The following SLC6A3 variants were observed in gnomAD, a reference collection of about 807,000 sequenced individuals.
The protein encoded by SLC6A3 is solute carrier family 6 member 3.
Under a neutral mutation model 70.4 loss-of-function variants are expected in SLC6A3, and 19 were observed. The ratio of observed to expected loss-of-function variants is 0.27; its 90% CI spans 0.19 to 0.40. The LOEUF (loss-of-function observed/expected upper bound fraction) is 0.40. Among genes scored for constraint, SLC6A3 ranks in the 10% least tolerant of loss-of-function variants. SLC6A3 has a pLI of 1.00. For missense variants in SLC6A3, 613 were observed against 838.5 expected (o/e 0.73, Z 3.32); for synonymous variants, 368 against 356.6 (o/e 1.03, Z -0.36).
chr5:1,405,159 G>A lies in SLC6A3; in HGVS notation c.1599+1029C>T, dbSNP rs1024934944. On this transcript the variant is annotated intron_variant, in intron 12 of 14. Coordinates refer to ENST00000270349, the MANE Select transcript of SLC6A3 (RefSeq NM_001044.5). This position sits in a 1 kb window ranked among gnomAD's most constrained non-coding sequence, Gnocchi z 5.3. Reference sequence around the variant, plus strand: ...AGTTAACTGGACTTGGAACACTTACGTGCAGCCACACCACGCGGCCTGGAG... The same window carrying A: ...AGTTAACTGGACTTGGAACACTTACATGCAGCCACACCACGCGGCCTGGAG... 3.3e-5 allele frequency among the ~76,000 whole-genome samples: 5 copies of A among 152,194 alleles called. No individual in the cohort carries two copies. Among genetic ancestry groups the A allele is most frequent in the African/African-American group, 7.2e-5 (3 of 41,440 alleles).
In SLC6A3 at chr5:1,406,542, C is replaced by A. The variant is rs543411900; in HGVS notation, c.1499-254G>T. On this transcript the variant is annotated intron_variant, in intron 11 of 14. Coordinates refer to ENST00000270349, the MANE Select transcript of SLC6A3 (RefSeq NM_001044.5). The surrounding 1 kb of genome is among the most constrained non-coding windows in gnomAD (Gnocchi z 8.8). ...GCCGTGCCCCGGTGGGTGCTCCCCGCGCCCCGGCAACAGCCCCTCGGGTCC... is the reference window on the plus strand; with the variant it reads ...GCCGTGCCCCGGTGGGTGCTCCCCGAGCCCCGGCAACAGCCCCTCGGGTCC... Among the ~76,000 whole-genome samples the A allele has an allele frequency of 6.6e-6, 1 of 152,180 alleles. No individual in the cohort carries two copies. Among genetic ancestry groups the A allele is most frequent in the Non-Finnish European group, 1.5e-5 (1 of 68,030 alleles).
intron 3 of SLC6A3, among the ~76,000 whole-genome samples, chr5:1,441,082 T>C (rs1013668864): frequency 5.3e-5 from 8 of 152,228 alleles, no homozygotes; most frequent in Non-Finnish European, 1.2e-4. Flanking sequence ...GATCCATAGA[T>C]AGACATGTGT....
At chr5:1,424,951 C>T (rs1238930724) in intron 4 of SLC6A3, among the ~76,000 whole-genome samples, 3 of 152,218 alleles carry the variant, frequency 2.0e-5, no homozygotes, top group Admixed American at 6.5e-5. Flanking sequence ...GAAAGCTGTG[C>T]GTCTCCCAGC....
Position 1,421,497 on chromosome 5 carries a change from G to A in SLC6A3, c.792+379C>T, listed in dbSNP as rs1456049709. Among the ~76,000 whole-genome samples the A allele has an allele frequency of 6.6e-6, 1 of 152,114 alleles. No homozygotes were observed. Among genetic ancestry groups the A allele is most frequent in the African/African-American group, 2.4e-5 (1 of 41,402 alleles). On this transcript the variant is annotated intron_variant, in intron 5 of 14. Transcript: ENST00000270349. This position sits in a 1 kb window ranked among gnomAD's most constrained non-coding sequence, Gnocchi z 7.2. Reference sequence around the variant, plus strand: ...GTGCCTTCCTGCCAGAAACACTGCTGTGAGTGCTTCCCTCCTGAGGCCCTT... The same window carrying A: ...GTGCCTTCCTGCCAGAAACACTGCTATGAGTGCTTCCCTCCTGAGGCCCTT...
At chr5:1,412,490 C>T (rs62331084) in intron 8 of SLC6A3, among the ~76,000 whole-genome samples, 28,696 of 152,216 alleles carry the variant, frequency 0.19, 3,560 homozygotes, top group Non-Finnish European at 0.28. Flanking sequence ...ACAGCTCTCT[C>T]GGGAAACGAC....
At chr5:1,428,333 G>A (rs1317856878) in intron 4 of SLC6A3, among the ~76,000 whole-genome samples, 1 of 152,222 alleles carries the variant, frequency 6.6e-6, no homozygotes, top group Non-Finnish European at 1.5e-5. Flanking sequence ...TTTGTGGGAT[G>A]CAGCTAATGC....
chr5:1,442,780 T>G lies in SLC6A3; in HGVS notation c.286+132A>C, dbSNP rs1733711796. ...CCTCTGGGAGGATCTGCACCGGCCGTGAGCTCTCACAGGGAGCTCCGTCTT... is the reference window on the plus strand; with the variant it reads ...CCTCTGGGAGGATCTGCACCGGCCGGGAGCTCTCACAGGGAGCTCCGTCTT... On this transcript the variant is annotated intron_variant, in intron 2 of 14. Coordinates refer to ENST00000270349, the MANE Select transcript of SLC6A3 (RefSeq NM_001044.5). This position sits in a 1 kb window ranked among gnomAD's most constrained non-coding sequence, Gnocchi z 5.0. The G allele has an allele frequency of 2.2e-6, 2 of 909,590 alleles. No homozygotes were observed. Among genetic ancestry groups the G allele is most frequent in the South Asian group, 2.7e-5 (2 of 74,162 alleles). The allele number at this position is 909,590 out of a possible 1,614,324, so 56.3% of individuals were successfully genotyped here. A position where few individuals can be genotyped will look rare whatever the true frequency, so the allele number is the denominator to read the frequency against.
At position 1,393,755 on chromosome 5, in the gene SLC6A3, C is replaced by T. The variant is rs1324880797; in HGVS notation, c.*980G>A. The T allele has an allele frequency of 2.2e-5, 3 of 136,294 alleles. No individual in the cohort carries two copies. Among genetic ancestry groups the T allele is most frequent in the African/African-American group, 5.8e-5 (2 of 34,634 alleles). 8.4% of individuals were successfully genotyped at this position (136,294 alleles called of 1,614,324 possible). A position where few individuals can be genotyped will look rare whatever the true frequency, so the allele number is the denominator to read the frequency against. The stretch of plus-strand genomic sequence containing the variant: ...GATAGGACACGCTCCTGTGGGGGCC[C>T]TGCATGCGTCCTGGGGTAGTACACG... On this transcript the variant is annotated 3_prime_UTR_variant, in exon 15 of 15. Coordinates refer to ENST00000270349, the MANE Select transcript of SLC6A3 (RefSeq NM_001044.5).
intron 6 of SLC6A3, among the ~76,000 whole-genome samples, chr5:1,416,734 G>A (rs747636571): frequency 3.4e-5 from 5 of 148,850 alleles, no homozygotes; most frequent in African/African-American, 5.1e-5. Flanking sequence ...GGAACAGCAC[G>A]GACTCATCCA....
In SLC6A3 at chr5:1,401,136, C is replaced by T; in HGVS notation, c.1768-150G>A. 1 of 709,386 alleles carries T rather than the reference C, an allele frequency of 1.4e-6. No individual in the cohort carries two copies. 43.9% of individuals were successfully genotyped at this position (709,386 alleles called of 1,614,324 possible). A position where few individuals can be genotyped will look rare whatever the true frequency, so the allele number is the denominator to read the frequency against. ...AATGCCCACCCGCTGGCATCCATAT[C>T]ACCAGCGCCCACCACTGACTTACAC... On this transcript the variant is annotated intron_variant, in intron 13 of 14. Transcript: ENST00000270349. The surrounding 1 kb of genome is among the most constrained non-coding windows in gnomAD (Gnocchi z 6.1).
intron 4 of SLC6A3, among the ~76,000 whole-genome samples, chr5:1,424,530 C>T (rs192406202): frequency 6.1e-4 from 93 of 152,330 alleles, no homozygotes; most frequent in African/African-American, 2.1e-3. Context: ...CAGTGCCTCA[C>T]ACACACACGT....
At chr5:1,428,329 G>A (rs1272301985) in intron 4 of SLC6A3, among the ~76,000 whole-genome samples, 2 of 152,118 alleles carry the variant, frequency 1.3e-5, no homozygotes, top group East Asian at 1.9e-4. Flanking sequence ...AAACTTTGTG[G>A]GATGCAGCTA....
intron 10 of SLC6A3, 108 bp downstream of exon 10, chr5:1,409,613 C>T: frequency 1.5e-6 from 2 of 1,345,774 alleles, no homozygotes; most frequent in South Asian, 2.3e-5. Context: ...TCGCAGCTCC[C>T]TGGAAGTGCT....
chr5:1,403,960 T>G (rs1353423091), intron 12 of SLC6A3, among the ~76,000 whole-genome samples: 1 of 152,270 alleles, frequency 6.6e-6, no homozygotes, highest in Non-Finnish European at 1.5e-5. Flanking sequence ...CACCCACATG[T>G]GTACTGCACG....
In SLC6A3 at chr5:1,409,120, G is replaced by A. The variant is rs1756054676; in HGVS notation, c.1404C>T (p.Gly468=). The A allele has an allele frequency of 6.2e-7, 1 of 1,608,394 alleles. No individual in the cohort carries two copies. The change falls in exon 11 of 15, where the codon GGC becomes GGT. Residue 468 remains glycine, a synonymous_variant. Coordinates refer to ENST00000270349, the MANE Select transcript of SLC6A3 (RefSeq NM_001044.5). ...GGTCCAGGAGCGTGAAGACGTAGAT[G>A]CCACCCTGGAAGAGAGGGGAGCCTG... ...LLSLFCVTNG[G]IYVFTLLDHF...
Position 1,421,761 on chromosome 5 carries a change from A to T in SLC6A3, c.792+115T>A. 2 of 1,176,404 alleles carry T rather than the reference A, an allele frequency of 1.7e-6. No homozygotes were observed. Among genetic ancestry groups the T allele is most frequent in the Non-Finnish European group, 1.3e-6 (1 of 791,048 alleles). 72.9% of individuals were successfully genotyped at this position (1,176,404 alleles called of 1,614,324 possible). On this transcript the variant is annotated intron_variant, in intron 5 of 14. Coordinates refer to ENST00000270349, the MANE Select transcript of SLC6A3 (RefSeq NM_001044.5). This position sits in a 1 kb window ranked among gnomAD's most constrained non-coding sequence, Gnocchi z 7.2. ...TCCACCCCAACCTGGCCATGGCCAC[A>T]TTGGTAGCACAAAACCCAACTGAGG...
At chr5:1,430,629 G>A (rs1756677103) in intron 4 of SLC6A3, among the ~76,000 whole-genome samples, 1 of 152,218 alleles carries the variant, frequency 6.6e-6, no homozygotes, top group Non-Finnish European at 1.5e-5. Flanking sequence ...AGAGGGCGAA[G>A]GTCCCTTCCT....
rs910444734 is a variant in SLC6A3, at chr5:1,409,935, C to T, written c.1270-86G>A. 86 of 1,552,646 alleles carry T rather than the reference C, an allele frequency of 5.5e-5. 1 individual carries two copies. Among genetic ancestry groups the T allele is most frequent in the South Asian group, 2.4e-4 (22 of 90,032 alleles). ...CAAGACCTACTTGTCACCCAGTGGA[C>T]GCACACCCGGGGATGGACACGGAAC... On this transcript the variant is annotated intron_variant, in intron 9 of 14. Transcript: ENST00000270349.
rs1756066396 is a variant in SLC6A3, at chr5:1,409,639, C to T, written c.1398+82G>A. The T allele has an allele frequency of 7.1e-6, 11 of 1,546,136 alleles. No homozygotes were observed. The South Asian group carries it at 1.1e-4, about 16-fold the overall frequency. On this transcript the variant is annotated intron_variant, in intron 10 of 14. Coordinates refer to ENST00000270349, the MANE Select transcript of SLC6A3 (RefSeq NM_001044.5). ...TGGAAGTGCTGCGGTTCTGTCTGGC[C>T]TGACAGTCCCAGCCAGGGCGCCCCG... is the stretch of plus-strand genomic sequence containing the variant.
Sources: gnomAD v4.1 joint callset for allele counts (sites outside exome capture counted in the v4.1 genomes callset) on GRCh38, gnomAD v4.1.1 for gene constraint, Gnocchi (gnomAD v3.1) non-coding constraint, MANE v1.5 for transcripts, NCBI Gene and HGNC (gene_info 2026-07-23, HGNC 2026-07-21) for gene names.